Variants in LYRM4 observed in about 807,000 individuals in gnomAD.
LYRM4 encodes the protein LYR motif-containing protein 4.
Under a neutral mutation model 11.7 loss-of-function variants are expected in LYRM4, and 9 were observed. The ratio of observed to expected loss-of-function variants is 0.77; its 90% CI spans 0.46 to 1.34. LYRM4 has a LOEUF of 1.34. Ranked by LOEUF, LYRM4 falls within the 40% of genes most tolerant of loss-of-function variation. LYRM4 has a pLI of 0.00. For missense variants in LYRM4, 133 were observed against 112.5 expected (o/e 1.18, Z -0.82); for synonymous variants, 42 against 40.4 (o/e 1.04, Z -0.15).
At chr6:5,173,738 C>T (rs534948332) in intron 2 of LYRM4, among the ~76,000 whole-genome samples, 13 of 152,256 alleles carry the variant, frequency 8.5e-5, no homozygotes, top group South Asian at 2.1e-4. Context: ...TCTGAGTGTA[C>T]GGCTCATGTT....
chr6:5,145,454 C>T (rs191972816), intron 2 of LYRM4, among the ~76,000 whole-genome samples: 2 of 152,302 alleles, frequency 1.3e-5, no homozygotes, highest in South Asian at 2.1e-4. Flanking sequence ...AAAACATGTG[C>T]TTAATTTCCC....
intron 2 of LYRM4, among the ~76,000 whole-genome samples, chr6:5,157,953 A>G (rs1758513580): frequency 6.6e-6 from 1 of 152,222 alleles, no homozygotes; most frequent in South Asian, 2.1e-4. Context: ...CAGGAGGTCT[A>G]ATGAAAAGAG....
chr6:5,177,741 T>G (rs1390487436), intron 2 of LYRM4, among the ~76,000 whole-genome samples: 5 of 152,234 alleles, frequency 3.3e-5, no homozygotes, highest in Non-Finnish European at 7.3e-5. Flanking sequence ...CTGAAGAGTT[T>G]GAGGGGCTCG....
chr6:5,218,134 T>C (rs1376557922), intron 1 of LYRM4: 2 of 657,484 alleles, frequency 3.0e-6, no homozygotes, highest in Admixed American at 6.3e-5. Context: ...CTTAAACTCC[T>C]GGGCTCAAGC....
the LYRM4 span, among the ~76,000 whole-genome samples, chr6:5,090,057 A>T: frequency 7.6e-6 from 1 of 132,050 alleles, no homozygotes; most frequent in South Asian, 2.7e-4. This position sits in a 1 kb window ranked among gnomAD's most constrained non-coding sequence, Gnocchi z 4.8. Flanking sequence ...ACACACCACA[A>T]ACAAAATCCC....
chr6:5,084,790 G>A, the LYRM4 span: 3 of 152,286 alleles, frequency 2.0e-5, no homozygotes, highest in Admixed American at 2.0e-4. Flanking sequence ...GCGCCCTGAA[G>A]TTTGGGGAAA....
intron 1 of LYRM4, chr6:5,218,149 C>T: frequency 1.4e-6 from 1 of 709,042 alleles, no homozygotes; most frequent in Non-Finnish European, 1.7e-6. Flanking sequence ...TCAAGCTATC[C>T]TCCTGCCTTA....
chr6:5,046,993 C>T, the LYRM4 span, among the ~76,000 whole-genome samples: 74 of 151,990 alleles, frequency 4.9e-4, no homozygotes, highest in Middle Eastern at 3.4e-3. Flanking sequence ...TGGGAGGCTG[C>T]GGTGGGAGAA....
chr6:5,124,010 C>T (rs1270833570), intron 2 of LYRM4, among the ~76,000 whole-genome samples: 1 of 152,170 alleles, frequency 6.6e-6, no homozygotes, highest in Non-Finnish European at 1.5e-5. Flanking sequence ...TGGTGCCAGT[C>T]CAACTGTGGT....
the LYRM4 span, among the ~76,000 whole-genome samples, chr6:5,081,142 G>T: frequency 1.7e-4 from 2 of 11,508 alleles, no homozygotes; most frequent in South Asian, 0.017. Context: ...GGCGGGGGGG[G>T]GGGGGGGGTA....
intron 2 of LYRM4, among the ~76,000 whole-genome samples, chr6:5,142,024 G>A (rs551329811): frequency 6.1e-4 from 92 of 151,728 alleles, no homozygotes; most frequent in Non-Finnish European, 1.3e-3. Flanking sequence ...TGCATGTGTC[G>A]GGGGGGATGC....
the LYRM4 span, among the ~76,000 whole-genome samples, chr6:5,045,927 G>A: frequency 6.6e-6 from 1 of 152,174 alleles, no homozygotes; most frequent in Non-Finnish European, 1.5e-5. Context: ...TCTGGTGCCT[G>A]GATAACTAAA....
intron 1 of LYRM4, among the ~76,000 whole-genome samples, chr6:5,228,179 T>C (rs1266325200): frequency 6.6e-6 from 1 of 152,082 alleles, no homozygotes; most frequent in African/African-American, 2.4e-5. Flanking sequence ...TACCTATTGA[T>C]CACAATGTAG....
chr6:5,057,595 A>C, the LYRM4 span, among the ~76,000 whole-genome samples: 644 of 152,034 alleles, frequency 4.2e-3, 2 homozygotes, highest in African/African-American at 0.014. Context: ...GGCGCCTGTA[A>C]TCCCAGCTAC....
At chr6:5,124,061 G>A (rs1007630812) in intron 2 of LYRM4, among the ~76,000 whole-genome samples, 1 of 152,254 alleles carries the variant, frequency 6.6e-6, no homozygotes, top group East Asian at 1.9e-4. Context: ...GCCGTGGAGA[G>A]GGCGGGCACA....
intron 1 of LYRM4, among the ~76,000 whole-genome samples, chr6:5,249,739 A>AGT (rs2127768404): frequency 6.6e-6 from 1 of 152,260 alleles, no homozygotes; most frequent in South Asian, 2.1e-4. Flanking sequence ...TAACTTACCT[A>AGT]GTTTTATTAC....
chr6:5,222,706 T>C (rs1256825699), intron 1 of LYRM4, among the ~76,000 whole-genome samples: 2 of 146,124 alleles, frequency 1.4e-5, no homozygotes, highest in East Asian at 4.0e-4. Flanking sequence ...TTAAAGTAAA[T>C]TAAAAAAAAG....
In LYRM4 at chr6:5,108,859, G is replaced by T; in HGVS notation, c.*564C>A. 1.0e-6 allele frequency: 1 copy of T among 987,150 alleles called. No individual in the cohort carries two copies. The highest frequency in any genetic ancestry group is 1.2e-6 in the Non-Finnish European group (1 of 830,940). The allele number at this position is 987,150 out of a possible 1,614,324, so 61.1% of individuals were successfully genotyped here. A position where few individuals can be genotyped will look rare whatever the true frequency, so the allele number is the denominator to read the frequency against. Reference sequence around the variant, plus strand: ...GTCACCTTTGTTGTACTGGGCTCAGGTATAAGTTGCAGGGTGCACCGTGTA... The same window carrying T: ...GTCACCTTTGTTGTACTGGGCTCAGTTATAAGTTGCAGGGTGCACCGTGTA... On this transcript the variant is annotated 3_prime_UTR_variant, in exon 3 of 3. Transcript: ENST00000330636.
At chr6:5,126,936 A>G (rs1763724575) in intron 2 of LYRM4, among the ~76,000 whole-genome samples, 1 of 152,154 alleles carries the variant, frequency 6.6e-6, no homozygotes, top group Admixed American at 6.6e-5. Flanking sequence ...TGAATATACT[A>G]AAAGCCAGTG....
Sources: gnomAD v4.1 joint callset for allele counts (sites outside exome capture counted in the v4.1 genomes callset) on GRCh38, gnomAD v4.1.1 for gene constraint, Gnocchi (gnomAD v3.1) non-coding constraint, MANE v1.5 for transcripts, NCBI Gene and HGNC (gene_info 2026-07-23, HGNC 2026-07-21) for gene names.